The following KCNMA1 variants were observed in gnomAD, a reference collection of about 807,000 sequenced individuals.
KCNMA1 encodes potassium calcium-activated channel subfamily M alpha 1, also known as Calcium-activated potassium channel subunit alpha-1.
Under a neutral mutation model 140.0 loss-of-function variants are expected in KCNMA1, and 29 were observed. The observed-to-expected ratio is 0.21, with a 90% CI of 0.15 to 0.28. KCNMA1 has a LOEUF of 0.28. Ranked by LOEUF, KCNMA1 falls within the 10% of genes least tolerant of loss-of-function variation. KCNMA1 has a pLI of 1.00. For synonymous variants in KCNMA1, 612 were observed against 611.9 expected (o/e 1.00, Z 0.00); for missense variants, 880 against 1,602.2 (o/e 0.55, Z 7.70).
At chr10:76,870,432 A>C (rs1255578958) in exon 28 of KCNMA1, 1 of 152,368 alleles carries the variant, frequency 6.6e-6, no homozygotes, top group African/African-American at 2.4e-5. Context: ...GAGGAGAAGC[A>C]GCAGCACAGA....
chr10:77,447,029 CGAA>C (rs2097542173), intron 1 of KCNMA1, among the ~76,000 whole-genome samples: 1 of 152,206 alleles, frequency 6.6e-6, no homozygotes, highest in Non-Finnish European at 1.5e-5. Flanking sequence ...AACCTCACCT[CGAA>C]GAAGGACTTG....
At chr10:77,086,745 A>G in intron 10 of KCNMA1, 152 bp from the exon 11 acceptor site, 1 of 682,328 alleles carries the variant, frequency 1.5e-6, no homozygotes. Flanking sequence ...AAAGACTCAC[A>G]CTCAAGAGAA....
chr10:76,909,854 G>A (rs1264518897), intron 25 of KCNMA1, 112 bp downstream of exon 25: 37 of 1,097,148 alleles, frequency 3.4e-5, no homozygotes, highest in Non-Finnish European at 5.0e-5. Flanking sequence ...GAGCTTCTAG[G>A]AGTCTTGCTC....
At chr10:76,895,980 A>G (rs6480846) in intron 25 of KCNMA1, among the ~76,000 whole-genome samples, 114,219 of 152,142 alleles carry the variant, frequency 0.75, 43,579 homozygotes, top group African/African-American at 0.87. Context: ...AGGTCAGGGC[A>G]AAACTAGAAT....
chr10:77,084,280 A>G (rs2096646356), intron 12 of KCNMA1, among the ~76,000 whole-genome samples: 1 of 152,148 alleles, frequency 6.6e-6, no homozygotes, highest in Non-Finnish European at 1.5e-5. Flanking sequence ...ATCTGCCTTT[A>G]GTTAAGATAT....
intron 2 of KCNMA1, among the ~76,000 whole-genome samples, chr10:77,387,363 T>C (rs2095639677): frequency 6.6e-6 from 1 of 152,182 alleles, no homozygotes; most frequent in African/African-American, 2.4e-5. Flanking sequence ...AGGAGACATG[T>C]CTGAAACTGA....
intron 23 of KCNMA1, among the ~76,000 whole-genome samples, chr10:76,936,435 G>A (rs886367896): frequency 1.3e-5 from 2 of 152,164 alleles, no homozygotes; most frequent in African/African-American, 4.8e-5. Context: ...AAGTATAATT[G>A]TCTTTCTGGT....
chr10:76,995,378 T>C (rs1055664385), intron 19 of KCNMA1: 2 of 363,322 alleles, frequency 5.5e-6, no homozygotes, highest in South Asian at 4.3e-5. Context: ...AACTCCACAC[T>C]GGGTCTAATC....
intron 19 of KCNMA1, chr10:76,975,530 G>A (rs1418119614): frequency 2.0e-5 from 3 of 152,276 alleles, no homozygotes; most frequent in African/African-American, 7.2e-5. Flanking sequence ...CTTGACTGCT[G>A]TTTCGGGATG....
intron 1 of KCNMA1, among the ~76,000 whole-genome samples, chr10:77,471,450 C>T (rs1379272986): frequency 6.6e-6 from 1 of 151,410 alleles, no homozygotes; most frequent in Non-Finnish European, 1.5e-5. Flanking sequence ...ACACTACACA[C>T]ACACCATGCA....
At chr10:77,461,322 C>T (rs2097862944) in intron 1 of KCNMA1, among the ~76,000 whole-genome samples, 1 of 151,946 alleles carries the variant, frequency 6.6e-6, no homozygotes, top group South Asian at 2.1e-4. Flanking sequence ...CTGTGGTGAC[C>T]CTTGCCCCAC....
At chr10:77,072,967 A>T in intron 14 of KCNMA1, 130 bp downstream of exon 14, 4 of 860,790 alleles carry the variant, frequency 4.6e-6, no homozygotes, top group South Asian at 1.5e-5. Context: ...CAAATCCGTA[A>T]CAAGGAATTT....
intron 1 of KCNMA1, among the ~76,000 whole-genome samples, chr10:77,600,579 T>A (rs1403270801): frequency 6.6e-6 from 1 of 152,092 alleles, no homozygotes; most frequent in East Asian, 1.9e-4. Flanking sequence ...AGAAACCCCA[T>A]CTCTACTAAA....
chr10:77,395,727 C>G (rs1290248915), intron 2 of KCNMA1, among the ~76,000 whole-genome samples: 1 of 152,178 alleles, frequency 6.6e-6, no homozygotes, highest in East Asian at 1.9e-4. Flanking sequence ...TAATTAAAGC[C>G]ATGAGGATAA....
intron 3 of KCNMA1, among the ~76,000 whole-genome samples, chr10:77,186,919 TCA>T (rs929857300): frequency 2.6e-5 from 4 of 151,746 alleles, no homozygotes; most frequent in African/African-American, 9.7e-5. Flanking sequence ...CATTATAAAC[TCA>T]CAGTCATCAA....
chr10:76,896,522 A>C (rs1589811981), intron 25 of KCNMA1, among the ~76,000 whole-genome samples: 1 of 152,312 alleles, frequency 6.6e-6, no homozygotes, highest in East Asian at 1.9e-4. Context: ...TGGGATTAAG[A>C]GATTAAAGAC....
chr10:77,244,834 C>A, intron 3 of KCNMA1, among the ~76,000 whole-genome samples: 1 of 152,176 alleles, frequency 6.6e-6, no homozygotes. Context: ...GAGTTATTTA[C>A]AGCCTCTTTG....
chr10:77,367,271 G>C (rs931530899), intron 2 of KCNMA1, among the ~76,000 whole-genome samples: 1 of 152,318 alleles, frequency 6.6e-6, no homozygotes, highest in South Asian at 2.1e-4. Flanking sequence ...TATGATCTGA[G>C]GGATATGGGA....
intron 2 of KCNMA1, among the ~76,000 whole-genome samples, chr10:77,313,056 C>T (rs2079773600): frequency 6.6e-6 from 1 of 152,160 alleles, no homozygotes; most frequent in Non-Finnish European, 1.5e-5. Context: ...CTTCCTGTTG[C>T]CAGTGGACTT....
Sources: gnomAD v4.1 joint callset for allele counts (sites outside exome capture counted in the v4.1 genomes callset) on GRCh38, gnomAD v4.1.1 for gene constraint, MANE v1.5 for transcripts, NCBI Gene and HGNC (gene_info 2026-07-23, HGNC 2026-07-21) for gene names.